Variants in USH2A observed in about 807,000 individuals in gnomAD.
USH2A encodes the protein usherin, also known as Usher syndrome 2A (autosomal recessive, mild).
In USH2A, 443 loss-of-function variants were observed where a neutral mutation model predicts 538.9. The observed-to-expected ratio is 0.82, with a 90% CI of 0.76 to 0.89. The LOEUF (loss-of-function observed/expected upper bound fraction) is 0.89, where lower values mean the gene tolerates loss of function less well. Ranked by LOEUF, USH2A falls within the 40% of genes least tolerant of loss-of-function variation. The pLI is 0.00. For synonymous variants in USH2A, 2,413 were observed against 2,273.5 expected, an observed-to-expected ratio of 1.06 and a Z score of -1.75; for missense variants, 6,633 against 6,324.8, an observed-to-expected ratio of 1.05 and a Z score of -1.65.
At chr1:216,396,256 C>T (rs1362011771) in intron 3 of USH2A, among the ~76,000 whole-genome samples, 1 of 152,174 alleles carries the variant, frequency 6.6e-6, no homozygotes, top group Non-Finnish European at 1.5e-5. Context: ...ATGTTTGAAG[C>T]TTGGCTCAAT....
At chr1:215,887,212 A>AT (rs1484378447) in intron 41 of USH2A, among the ~76,000 whole-genome samples, 1 of 152,128 alleles carries the variant, frequency 6.6e-6, no homozygotes, top group Non-Finnish European at 1.5e-5. Context: ...TAGTTATAAG[A>AT]TTTTTATTCG....
At chr1:216,321,802 G>A in intron 9 of USH2A, 81 bp downstream of exon 9, 1 of 1,254,376 alleles carries the variant, frequency 8.0e-7, no homozygotes, top group South Asian at 1.2e-5. Flanking sequence ...CATTTGTTAG[G>A]CCAAGATTAA....
At chr1:216,268,022 G>A (rs556109986) in intron 11 of USH2A, among the ~76,000 whole-genome samples, 2 of 152,098 alleles carry the variant, frequency 1.3e-5, no homozygotes, top group East Asian at 1.9e-4. Context: ...ACATGTTTTC[G>A]TATTTGTGAA....
chr1:216,054,176 A>G (rs1358010026), intron 30 of USH2A, among the ~76,000 whole-genome samples: 2 of 152,212 alleles, frequency 1.3e-5, no homozygotes, highest in Non-Finnish European at 2.9e-5. Context: ...AAGATTTTGC[A>G]GACTGTTAGC....
rs879585351 is a variant in USH2A, at chr1:216,243,342, G to C, written c.2809+3243C>G. ...AGTACAAAACTCATGGTCATTAAAA[G>C]CATCTATTCGGAAGTTGACTAATGT... On this transcript the variant is annotated intron_variant, in intron 13 of 71. Coordinates refer to ENST00000307340, the MANE Select transcript of USH2A (RefSeq NM_206933.4). 7.9e-5 allele frequency among the ~76,000 whole-genome samples: 12 copies of C among 152,138 alleles called. 1 individual carries two copies. The highest frequency in any genetic ancestry group is 7.9e-4 in the Admixed American group (12 of 15,278).
At chr1:216,221,630 A>G (rs1179713986) in intron 14 of USH2A, among the ~76,000 whole-genome samples, 2 of 152,172 alleles carry the variant, frequency 1.3e-5, no homozygotes, top group African/African-American at 4.8e-5. Flanking sequence ...CAAATAGAGA[A>G]ACTCATAAAA....
At chr1:215,991,483 T>C (rs749639378) in intron 35 of USH2A, among the ~76,000 whole-genome samples, 7 of 152,038 alleles carry the variant, frequency 4.6e-5, no homozygotes, top group Non-Finnish European at 8.8e-5. Context: ...AAAAAAGTCG[T>C]TTTAAAAAAA....
chr1:215,943,038 T>C (rs1161505643), intron 37 of USH2A, among the ~76,000 whole-genome samples: 3 of 152,150 alleles, frequency 2.0e-5, no homozygotes, highest in Non-Finnish European at 4.4e-5. Flanking sequence ...TAGCAACACC[T>C]AGTGCTCAAA....
intron 37 of USH2A, among the ~76,000 whole-genome samples, chr1:215,956,784 T>C (rs11589059): frequency 0.12 from 17,780 of 152,178 alleles, 1,180 homozygotes; most frequent in African/African-American, 0.18. Context: ...GTGTGAGTGT[T>C]GAGAACAGAT....
In USH2A at chr1:215,900,127, A is replaced by G. The variant is rs1665449794; in HGVS notation, c.7542T>C (p.Asn2514=). The G allele has an allele frequency of 6.2e-7, 1 of 1,613,708 alleles. No individual in the cohort carries two copies. The highest frequency in any genetic ancestry group is 8.5e-7 in the Non-Finnish European group (1 of 1,179,806). Residue 2514 remains asparagine, a synonymous_variant, in exon 40 of 72, where the codon AAT becomes AAC. Transcript: ENST00000307340. ...AAGAACTATGTGCACTGCCAAATCCATTGGAGGCAACCAACCGAAACATAT... is the reference window on the plus strand; with the variant it reads ...AAGAACTATGTGCACTGCCAAATCCGTTGGAGGCAACCAACCGAAACATAT... ...TEYMFRLVAS[N]GFGSAHSSWI...
intron 70 of USH2A, among the ~76,000 whole-genome samples, chr1:215,632,954 C>A (rs1048050556): frequency 1.3e-5 from 2 of 152,138 alleles, no homozygotes; most frequent in Non-Finnish European, 2.9e-5. Context: ...ATATGCCAGG[C>A]ACCGTTCTGG....
rs574326735 is a variant in USH2A, at chr1:215,692,904, C to T, written c.12067-12528G>A. 2.0e-4 allele frequency among the ~76,000 whole-genome samples: 30 copies of T among 151,676 alleles called. 1 individual carries two copies. The highest frequency in any genetic ancestry group is 8.6e-4 in the Admixed American group (13 of 15,194). ...AGTTATTTATTTACCATTTTCTTTT[C>T]GTTTTTAATTTTTTTTTGAGACAGA... On this transcript the variant is annotated intron_variant, in intron 61 of 71. Coordinates refer to ENST00000307340, the MANE Select transcript of USH2A (RefSeq NM_206933.4).
intron 4 of USH2A, among the ~76,000 whole-genome samples, chr1:216,339,090 T>C (rs2038027256): frequency 6.6e-6 from 1 of 151,518 alleles, no homozygotes. Context: ...CTTCTATAAA[T>C]TATATAAAGA....
chr1:216,217,618 C>T (rs2102496636), intron 14 of USH2A, 68 bp from the exon 15 acceptor site: 3 of 1,571,836 alleles, frequency 1.9e-6, no homozygotes, highest in African/African-American at 1.4e-5. Context: ...GTATAAGTTA[C>T]ACCTACCAAT....
intron 11 of USH2A, among the ~76,000 whole-genome samples, chr1:216,280,741 C>T (rs2036758954): frequency 6.6e-6 from 1 of 152,084 alleles, no homozygotes; most frequent in Non-Finnish European, 1.5e-5. Context: ...GCAAACATGC[C>T]ATATCTTATG....
At chr1:216,048,680 G>A in intron 30 of USH2A, 33 bp from the exon 31 acceptor site, 1 of 1,556,480 alleles carries the variant, frequency 6.4e-7, no homozygotes, top group East Asian at 2.2e-5. Context: ...AGGGTTGCGT[G>A]TTTACCATAA....
At chr1:216,039,332 C>T (rs1266218673) in intron 32 of USH2A, among the ~76,000 whole-genome samples, 8 of 151,972 alleles carry the variant, frequency 5.3e-5, no homozygotes, top group Admixed American at 2.0e-4. Context: ...TTTGTTCCTT[C>T]GTGTCCTTAA....
intron 56 of USH2A, among the ~76,000 whole-genome samples, chr1:215,765,156 T>C (rs1421167601): frequency 1.3e-5 from 2 of 152,144 alleles, no homozygotes; most frequent in Admixed American, 6.6e-5. Flanking sequence ...AGAGATTCTG[T>C]TATTTTATCA....
intron 45 of USH2A, 27 bp from the exon 46 acceptor site, chr1:215,844,523 A>G: frequency 1.2e-6 from 2 of 1,601,040 alleles, no homozygotes; most frequent in Non-Finnish European, 1.7e-6. Flanking sequence ...AAACTGAATA[A>G]ACTCCAGCTG....
Sources: gnomAD v4.1 joint callset for allele counts (sites outside exome capture counted in the v4.1 genomes callset) on GRCh38, gnomAD v4.1.1 for gene constraint, MANE v1.5 for transcripts, NCBI Gene and HGNC (gene_info 2026-07-23, HGNC 2026-07-21) for gene names.